The following RFXAP variants were observed in gnomAD, a reference collection of about 807,000 sequenced individuals.
RFXAP encodes regulatory factor X associated protein.
A neutral mutation model predicts 25.7 loss-of-function variants in RFXAP; 21 were observed. The observed-to-expected ratio is 0.82, with a 90% CI of 0.58 to 1.18. RFXAP has a LOEUF of 1.18. RFXAP is among the 50% of genes most tolerant of loss of function. RFXAP has a pLI of 0.00. For missense variants in RFXAP, 333 were observed against 363.0 expected, an observed-to-expected ratio of 0.92 and a Z score of 0.67; for synonymous variants, 161 against 152.2, an observed-to-expected ratio of 1.06 and a Z score of -0.43.
Position 36,819,616 on chromosome 13 carries a change from G to C in RFXAP, c.259G>C (p.Glu87Gln). The change falls in exon 1 of 3, where the codon GAG becomes CAG. Residue 87 changes from glutamate to glutamine, a missense_variant. Physicochemically the swap from Glu to Gln is conservative, Grantham distance 29. Coordinates refer to ENST00000255476, the MANE Select transcript of RFXAP (RefSeq NM_000538.4). ...GAGDGEEEAG[E>Q]DEADLLDTSD... Reference sequence around the variant, plus strand: ...CGGGGATGGCGAAGAGGAGGCTGGGGAGGACGAGGCGGACCTGTTAGACAC... The same window carrying C: ...CGGGGATGGCGAAGAGGAGGCTGGGCAGGACGAGGCGGACCTGTTAGACAC... 1 of 1,541,196 alleles carries C rather than the reference G, an allele frequency of 6.5e-7. No individual in the cohort carries two copies. Among genetic ancestry groups the C allele is most frequent in the Non-Finnish European group, 8.8e-7 (1 of 1,140,182 alleles).
intron 1 of RFXAP, among the ~76,000 whole-genome samples, chr13:36,820,484 G>C (rs1461637050): frequency 1.3e-5 from 2 of 152,000 alleles, no homozygotes; most frequent in Non-Finnish European, 2.9e-5. Context: ...TCAGTTGCCT[G>C]TCTGTAGTAC....
Position 36,827,693 on chromosome 13 carries a change from G to C in RFXAP, c.759G>C (p.Gln253His), listed in dbSNP as rs1160762602. 6.2e-7 allele frequency: 1 copy of C among 1,613,816 alleles called. No homozygotes were observed. The highest frequency in any genetic ancestry group is 1.7e-5 in the Admixed American group (1 of 60,000). ...EVVQFLQKQQ[Q>H]LLNQQVLEQR... ...TGCAATTTTTACAGAAACAGCAACA[G>C]CTATTAAATCAGCAAGTTTTGGAGC... is the stretch of plus-strand genomic sequence containing the variant. Residue 253 changes from glutamine (Q) to histidine (H), a missense_variant, in exon 3 of 3, where the codon CAG (glutamine) becomes CAC (histidine). Transcript: ENST00000255476.
chr13:36,822,393 T>A lies in RFXAP; in HGVS notation c.600+2436T>A, dbSNP rs550397451. Among the ~76,000 whole-genome samples, 5 of 152,310 alleles carry A rather than the reference T, an allele frequency of 3.3e-5. No individual in the cohort carries two copies. The South Asian group carries it at 1.0e-3, about 32-fold the overall frequency. ...ACCACGCCGGCCTAATAATACTTAT[T>A]TTCAAGAAAGAAGTAGTTAACCTAT... is the stretch of plus-strand genomic sequence containing the variant. On this transcript the variant is annotated intron_variant, in intron 1 of 2. Coordinates refer to ENST00000255476, the MANE Select transcript of RFXAP (RefSeq NM_000538.4).
At chr13:36,822,685 A>G (rs536453672) in intron 1 of RFXAP, among the ~76,000 whole-genome samples, 5 of 152,266 alleles carry the variant, frequency 3.3e-5, no homozygotes, top group Admixed American at 1.3e-4. Flanking sequence ...CACTGCACCT[A>G]GCTTCACTAT....
chr13:36,820,518 T>G (rs939922675), intron 1 of RFXAP, among the ~76,000 whole-genome samples: 1 of 152,230 alleles, frequency 6.6e-6, no homozygotes, highest in Non-Finnish European at 1.5e-5. Flanking sequence ...ACTCTTTTCT[T>G]ACAACTCTGT....
At position 36,825,507 on chromosome 13, in the gene RFXAP, T is replaced by G; in HGVS notation, c.680T>G (p.Leu227Ter). 1 of 1,612,150 alleles carries G rather than the reference T, an allele frequency of 6.2e-7. No homozygotes were observed. Among genetic ancestry groups the G allele is most frequent in the Non-Finnish European group, 8.5e-7 (1 of 1,179,028 alleles). The change falls in exon 2 of 3, where the codon TTA becomes TGA. Residue 227 changes from leucine (L) to a stop codon, truncating the protein, a stop_gained. Coordinates refer to ENST00000255476, the MANE Select transcript of RFXAP (RefSeq NM_000538.4). LOFTEE classifies it high-confidence loss of function. ...GATCGTCCTGCAAGACCTACTCTTT[T>G]AGAACAAGTGTTAAATCAAAAAAGA... ...FGDRPARPTLLEQVLNQKRLS... is the reference protein window; with the variant it reads ...FGDRPARPTL
At chr13:36,823,079 T>A (rs1005820519) in intron 1 of RFXAP, among the ~76,000 whole-genome samples, 2 of 152,180 alleles carry the variant, frequency 1.3e-5, no homozygotes, top group African/African-American at 2.4e-5. Flanking sequence ...AAATGGAGTC[T>A]CACAACCCTT....
At position 36,819,427 on chromosome 13, in the gene RFXAP, C is replaced by T. The variant is rs537036389; in HGVS notation, c.70C>T (p.Leu24=). The change falls in exon 1 of 3, where the codon CTA becomes TTA. Residue 24 remains leucine (L), a synonymous_variant. Transcript: ENST00000255476. ...AASGVPHPAA[L]APAAAPTLAP... is the part of the protein sequence containing the mutation. ...CAGCGGCGTGCCCCACCCCGCGGCC[C>T]TAGCCCCGGCTGCGGCTCCCACCTT... The T allele has an allele frequency of 3.5e-6, 5 of 1,435,294 alleles. No homozygotes were observed. The highest frequency in any genetic ancestry group is 4.6e-6 in the Non-Finnish European group (5 of 1,096,234). The allele number at this position is 1,435,294 out of a possible 1,614,324, so 88.9% of individuals were successfully genotyped here.
At chr13:36,824,765 C>A (rs944447762) in intron 1 of RFXAP, among the ~76,000 whole-genome samples, 1 of 152,098 alleles carries the variant, frequency 6.6e-6, no homozygotes, top group African/African-American at 2.4e-5. Flanking sequence ...AGTGAAATCT[C>A]AGGGTAATGG....
chr13:36,819,655 G>C lies in RFXAP; in HGVS notation c.298G>C (p.Gly100Arg), dbSNP rs774581579. The C allele has an allele frequency of 3.2e-6, 5 of 1,549,046 alleles. No individual in the cohort carries two copies. The highest frequency in any genetic ancestry group is 2.4e-5 in the East Asian group (1 of 40,892). The change falls in exon 1 of 3, where the codon GGG (glycine) becomes CGG (arginine). Residue 100 changes from glycine to arginine, a missense_variant. By Grantham distance (125) the Gly-to-Arg change is moderately radical (BLOSUM62 -2). Coordinates refer to ENST00000255476, the MANE Select transcript of RFXAP (RefSeq NM_000538.4). ...CCTGTTAGACACTTCGGACCCTCCG[G>C]GGGGAGGCGAGAGCGCGGCTAGTTT... ...ADLLDTSDPPGGGESAASLED... is the reference protein window; with the variant it reads ...ADLLDTSDPPRGGESAASLED...
intron 2 of RFXAP, among the ~76,000 whole-genome samples, chr13:36,827,210 T>C (rs1386619905): frequency 6.6e-6 from 1 of 152,150 alleles, no homozygotes; most frequent in African/African-American, 2.4e-5. Flanking sequence ...AATGAGAAAC[T>C]TGACTTCTAG....
intron 2 of RFXAP, among the ~76,000 whole-genome samples, chr13:36,826,646 T>TA (rs1163898783): frequency 1.3e-5 from 2 of 152,106 alleles, no homozygotes; most frequent in Non-Finnish European, 2.9e-5. Flanking sequence ...TCATAAATAG[T>TA]AAAAAAGGTA....
intron 2 of RFXAP, 98 bp downstream of exon 2, chr13:36,825,633 C>A: frequency 1.4e-6 from 1 of 721,870 alleles, no homozygotes; most frequent in Non-Finnish European, 2.3e-6. Flanking sequence ...CATGACATCA[C>A]ACTATACATC....
In RFXAP at chr13:36,825,679, A is replaced by C. The variant is rs917495575; in HGVS notation, c.708+144A>C. ...CCTAATAAGTCAAAATTTTAAAAAA[A>C]GAATCGGAACTTTACCTCAAAAATG... On this transcript the variant is annotated intron_variant, in intron 2 of 2. Coordinates refer to ENST00000255476, the MANE Select transcript of RFXAP (RefSeq NM_000538.4). 19 of 555,330 alleles carry C rather than the reference A, an allele frequency of 3.4e-5. No individual in the cohort carries two copies. In the Middle Eastern group the frequency reaches 1.5e-3, roughly 44 times the overall value. 34.4% of individuals were successfully genotyped at this position (555,330 alleles called of 1,614,324 possible). A position where few individuals can be genotyped will look rare whatever the true frequency, so the allele number is the denominator to read the frequency against.
At chr13:36,825,366 C>T (rs2057974689) in intron 1 of RFXAP, 62 bp from the exon 2 acceptor site, 2 of 1,186,554 alleles carry the variant, frequency 1.7e-6, no homozygotes, top group Admixed American at 3.4e-5. Context: ...CTTTGAAATA[C>T]CTGTAATCAT....
intron 1 of RFXAP, among the ~76,000 whole-genome samples, chr13:36,823,959 G>A (rs1347524037): frequency 6.6e-6 from 1 of 152,142 alleles, no homozygotes; most frequent in Non-Finnish European, 1.5e-5. Flanking sequence ...CTTAAGTAAA[G>A]CTACCTAACA....
intron 2 of RFXAP, 50 bp from the exon 3 acceptor site, chr13:36,827,593 C>A: frequency 7.8e-7 from 1 of 1,287,080 alleles, no homozygotes; most frequent in Non-Finnish European, 1.1e-6. Flanking sequence ...TGAAAACAGT[C>A]TAATGACATA....
intron 2 of RFXAP, among the ~76,000 whole-genome samples, 191 bp downstream of exon 2, chr13:36,825,726 A>G (rs930823204): frequency 1.8e-4 from 27 of 152,216 alleles, no homozygotes; most frequent in Admixed American, 4.6e-4. Context: ...TTTTTAGCTT[A>G]TATAGACAAA....
At chr13:36,819,982 G>C in intron 1 of RFXAP, 25 bp downstream of exon 1, 1 of 1,611,672 alleles carries the variant, frequency 6.2e-7, no homozygotes, top group Non-Finnish European at 8.5e-7. Context: ...TGAGGCCTGG[G>C]GATGGGAGGT....
Sources: gnomAD v4.1 joint callset for allele counts (sites outside exome capture counted in the v4.1 genomes callset) on GRCh38, gnomAD v4.1.1 for gene constraint, MANE v1.5 for transcripts, NCBI Gene and HGNC (gene_info 2026-07-23, HGNC 2026-07-21) for gene names.